Variants in EGFR observed in about 807,000 individuals in gnomAD.
The protein encoded by EGFR is epidermal growth factor receptor.
In EGFR, 58 loss-of-function variants were observed where a neutral mutation model predicts 143.0. The ratio of observed to expected loss-of-function variants is 0.41; its 90% confidence interval spans 0.33 to 0.50. The LOEUF (loss-of-function observed/expected upper bound fraction) is 0.50. Ranked by LOEUF, EGFR falls within the 20% of genes least tolerant of loss-of-function variation. The pLI, the probability that EGFR is intolerant of heterozygous loss-of-function variation, is 0.39. For synonymous variants in EGFR, 613 were observed against 594.4 expected (o/e 1.03, Z -0.45); for missense variants, 1,307 against 1,579.0 (o/e 0.83, Z 2.92).
At chr7:55,171,975 GCT>G (rs1220811244) in intron 16 of EGFR, among the ~76,000 whole-genome samples, 2 of 152,110 alleles carry the variant, frequency 1.3e-5, no homozygotes, top group Non-Finnish European at 2.9e-5. Context: ...GACAGCCATA[GCT>G]CTCTCTCCTG....
At chr7:55,078,527 TG>T (rs1322063467) in intron 1 of EGFR, among the ~76,000 whole-genome samples, 2 of 152,178 alleles carry the variant, frequency 1.3e-5, no homozygotes, top group Non-Finnish European at 2.9e-5. Flanking sequence ...TGGTCCCCCG[TG>T]GGGAACTGCT....
chr7:55,165,509 T>C (rs1584201842), intron 15 of EGFR, 72 bp downstream of exon 15: 31 of 1,547,970 alleles, frequency 2.0e-5, no homozygotes, highest in Non-Finnish European at 2.5e-5. Flanking sequence ...GTCTCCCAAG[T>C]TTTCCGGCAA....
At chr7:55,068,791 A>C (rs35951148) in intron 1 of EGFR, among the ~76,000 whole-genome samples, 2 of 152,322 alleles carry the variant, frequency 1.3e-5, no homozygotes, top group Admixed American at 6.5e-5. Flanking sequence ...GAGAGAATGC[A>C]TGGTTAGTAG....
intron 3 of EGFR, among the ~76,000 whole-genome samples, chr7:55,146,105 T>A (rs1276828312): frequency 6.6e-6 from 1 of 152,054 alleles, no homozygotes; most frequent in East Asian, 1.9e-4. Context: ...ACATTCAGAT[T>A]CTTCTTGTTT....
rs78007589 is a variant in EGFR at position 55,158,569 on chromosome 7, G to A, written c.1298+816G>A. Among the ~76,000 whole-genome samples, 20 of 152,304 alleles carry A rather than the reference G, an allele frequency of 1.3e-4. No individual in the cohort carries two copies. The East Asian group carries it at 3.9e-3, about 29-fold the overall frequency. On this transcript the variant is annotated intron_variant, in intron 11 of 27. Transcript: ENST00000275493. ...CTGAATTCTCTGGAATGCTTTCTTT[G>A]ACCAAGATTCTTATAAAAATAAGAG... is the stretch of plus-strand genomic sequence containing the variant.
chr7:55,164,418 T>A (rs954346754), intron 14 of EGFR, among the ~76,000 whole-genome samples: 4 of 152,196 alleles, frequency 2.6e-5, no homozygotes, highest in Non-Finnish European at 5.9e-5. Flanking sequence ...ATCTACTAAC[T>A]GAAAACATTT....
rs1291095037 is a variant in EGFR at position 55,206,201 on chromosome 7, C to G, written c.*584C>G. The G allele has an allele frequency of 4.1e-6, 1 of 245,922 alleles. No homozygotes were observed. The highest frequency in any genetic ancestry group is 2.2e-5 in the African/African-American group (1 of 45,388). The allele number at this position is 245,922 out of a possible 1,614,324, so 15.2% of individuals were successfully genotyped here. On this transcript the variant is annotated 3_prime_UTR_variant, in exon 28 of 28. Coordinates refer to ENST00000275493, the MANE Select transcript of EGFR (RefSeq NM_005228.5). ...GTACTGTATCAAGTCATGGCAGGTA[C>G]AGTAGGATAAGCCACTCTGTCCCTT...
chr7:55,088,336 C>T (rs1047188310), intron 1 of EGFR, among the ~76,000 whole-genome samples: 16 of 152,162 alleles, frequency 1.1e-4, no homozygotes, highest in African/African-American at 2.4e-4. Context: ...ATAAAACAGA[C>T]GCAGAAAATG....
At chr7:55,102,638 G>A (rs115954482) in intron 1 of EGFR, among the ~76,000 whole-genome samples, 378 of 152,232 alleles carry the variant, frequency 2.5e-3, no homozygotes, top group African/African-American at 5.6e-3. Flanking sequence ...TGATGTTTGC[G>A]TCAAAATGCT....
chr7:55,071,328 G>T (rs1789815116), intron 1 of EGFR, among the ~76,000 whole-genome samples: 1 of 152,218 alleles, frequency 6.6e-6, no homozygotes, highest in African/African-American at 2.4e-5. Flanking sequence ...AGGGGCAAAA[G>T]AAAAGAAGCA....
Position 55,146,644 on chromosome 7 carries a change from G to T in EGFR, c.463G>T (p.Ala155Ser), listed in dbSNP as rs919891568. ...CGCCGTGCGGTTCAGCAACAACCCT[G>T]CCCTGTGCAACGTGGAGAGCATCCA... ...HGAVRFSNNPALCNVESIQWR... is the reference protein window; with the variant it reads ...HGAVRFSNNPSLCNVESIQWR... Residue 155 changes from alanine to serine, a missense_variant, in exon 4 of 28, where the codon GCC becomes TCC. By Grantham distance (99) the Ala-to-Ser change is moderately conservative. Coordinates refer to ENST00000275493, the MANE Select transcript of EGFR (RefSeq NM_005228.5). 1 of 1,613,966 alleles carries T rather than the reference G, an allele frequency of 6.2e-7. No individual in the cohort carries two copies. Among genetic ancestry groups the T allele is most frequent in the Non-Finnish European group, 8.5e-7 (1 of 1,179,970 alleles).
chr7:55,087,273 T>TAAAAAAAAAAAAA lies in EGFR; in HGVS notation c.89-55003_89-55002insAAAAAAAAAAAAA, dbSNP rs373915835. Among the ~76,000 whole-genome samples, 77 of 102,082 alleles carry TAAAAAAAAAAAAA rather than the reference T, an allele frequency of 7.5e-4. 4 individuals are homozygous for TAAAAAAAAAAAAA. In the South Asian group the frequency reaches 0.01, roughly 13 times the overall value. The allele number at this position is 102,082 out of a possible 152,430, so 67.0% of individuals were successfully genotyped here. A position where few individuals can be genotyped will look rare whatever the true frequency, so the allele number is the denominator to read the frequency against. ...TCACTTTAAGTAGTTTCTCAATTGTTAAAAAAAAAACAAAAAAAAAAAAAC... is the reference window on the plus strand; with the variant it reads ...TCACTTTAAGTAGTTTCTCAATTGTTAAAAAAAAAAAAAAAAAAAAAAACAAAAAAAAAAAAAC... On this transcript the variant is annotated intron_variant, in intron 1 of 27. Coordinates refer to ENST00000275493, the MANE Select transcript of EGFR (RefSeq NM_005228.5).
At chr7:55,192,458 C>T (rs17290573) in intron 21 of EGFR, among the ~76,000 whole-genome samples, 212 of 152,290 alleles carry the variant, frequency 1.4e-3, no homozygotes, top group African/African-American at 4.6e-3. Flanking sequence ...GCCACCAACC[C>T]ATGATGCTGG....
chr7:55,097,139 A>G (rs1451744037), intron 1 of EGFR, among the ~76,000 whole-genome samples: 1 of 152,178 alleles, frequency 6.6e-6, no homozygotes, highest in South Asian at 2.1e-4. Context: ...GTCAAAATAC[A>G]TATTTCTGTG....
At chr7:55,203,684 A>ACACCACACATACACG (rs968636874) in intron 27 of EGFR, among the ~76,000 whole-genome samples, 1 of 149,766 alleles carries the variant, frequency 6.7e-6, no homozygotes, top group Non-Finnish European at 1.5e-5. Context: ...CACACCACAC[A>ACACCACACATACACG]CACCACACAT....
chr7:55,120,958 T>A (rs1414448418), intron 1 of EGFR, among the ~76,000 whole-genome samples: 1 of 152,172 alleles, frequency 6.6e-6, no homozygotes. Context: ...GAATTGCCTG[T>A]TTGTTGCAAG....
intron 10 of EGFR, 163 bp downstream of exon 10, chr7:55,156,995 A>T (rs541357618): frequency 1.3e-6 from 2 of 1,484,096 alleles, no homozygotes; most frequent in African/African-American, 1.4e-5. Flanking sequence ...TTTCTCCTGC[A>T]GGCAAAAGGG....
chr7:55,202,263 C>T (rs551491375), intron 26 of EGFR, among the ~76,000 whole-genome samples: 83 of 152,278 alleles, frequency 5.5e-4, no homozygotes, highest in African/African-American at 2.0e-3. Flanking sequence ...TAGTGGTGAC[C>T]GTATTGAAGA....
chr7:55,202,379 C>T, intron 26 of EGFR, 138 bp from the exon 27 acceptor site: 1 of 726,312 alleles, frequency 1.4e-6, no homozygotes, highest in Non-Finnish European at 2.4e-6. Flanking sequence ...GCACCAGCAC[C>T]CACCAGGGTG....
Sources: gnomAD v4.1 joint callset for allele counts (sites outside exome capture counted in the v4.1 genomes callset) on GRCh38, gnomAD v4.1.1 for gene constraint, MANE v1.5 for transcripts, NCBI Gene and HGNC (gene_info 2026-07-23, HGNC 2026-07-21) for gene names.